The following CBLN2 variants were observed in gnomAD, a reference collection of about 807,000 sequenced individuals.
The protein encoded by CBLN2 is cerebellin-2.
CBLN2 carries 7 observed loss-of-function variants against 15.0 expected under a neutral mutation model. The observed-to-expected ratio is 0.47, with a 90% CI of 0.27 to 0.88. The LOEUF is 0.88. Ranked by LOEUF, CBLN2 falls within the 40% of genes least tolerant of loss-of-function variation. CBLN2 has a pLI of 0.14. For synonymous variants in CBLN2, 149 were observed against 135.2 expected (o/e 1.10, Z -0.71); for missense variants, 242 against 304.5 (o/e 0.79, Z 1.53).
At chr18:72,613,054 G>C (rs1252287348) in intron 1 of CBLN2, among the ~76,000 whole-genome samples, 1 of 152,158 alleles carries the variant, frequency 6.6e-6, no homozygotes, top group African/African-American at 2.4e-5. Context: ...GCATCACCCT[G>C]ATCTGTGCCT....
At chr18:72,539,167 T>C (rs1166424594) in intron 3 of CBLN2, 3 of 161,780 alleles carry the variant, frequency 1.9e-5, no homozygotes, top group African/African-American at 7.2e-5. Context: ...TGATGCCTTG[T>C]TTGACAAAAA....
At chr18:72,615,106 C>T (rs9319844) in intron 1 of CBLN2, among the ~76,000 whole-genome samples, 26,089 of 125,662 alleles carry the variant, frequency 0.21, 4,124 homozygotes, top group African/African-American at 0.46. Context: ...TATATTTATA[C>T]ATTTTAGAAA....
intron 1 of CBLN2, among the ~76,000 whole-genome samples, chr18:72,572,638 T>A (rs112904128): frequency 5.3e-5 from 8 of 152,212 alleles, no homozygotes; most frequent in African/African-American, 1.9e-4. Context: ...AGGCTGGTCT[T>A]CAACTCCTAG....
At chr18:72,587,567 T>C (rs1384807341) in intron 1 of CBLN2, among the ~76,000 whole-genome samples, 8 of 152,150 alleles carry the variant, frequency 5.3e-5, no homozygotes, top group South Asian at 2.1e-4. Flanking sequence ...TTCTAATATG[T>C]GTTGTTTATA....
intron 1 of CBLN2, among the ~76,000 whole-genome samples, chr18:72,598,875 C>T (rs1281783311): frequency 6.6e-6 from 1 of 152,216 alleles, no homozygotes; most frequent in East Asian, 1.9e-4. Context: ...GCTGCACTCT[C>T]TCTCCTCTAA....
chr18:72,553,228 C>A (rs67764864), intron 1 of CBLN2, among the ~76,000 whole-genome samples: 9,085 of 152,160 alleles, frequency 0.06, 868 homozygotes, highest in East Asian at 0.51. Context: ...AAACACTGAG[C>A]TGGATCTCAG....
intron 1 of CBLN2, among the ~76,000 whole-genome samples, chr18:72,593,768 G>C (rs1357354274): frequency 2.0e-5 from 3 of 152,076 alleles, no homozygotes; most frequent in African/African-American, 2.4e-5. Context: ...ATGATGATAT[G>C]GTTTTTGTCC....
At chr18:72,595,342 ACTC>A (rs2069506478) in intron 1 of CBLN2, among the ~76,000 whole-genome samples, 1 of 151,616 alleles carries the variant, frequency 6.6e-6, no homozygotes, top group Non-Finnish European at 1.5e-5. Flanking sequence ...AGCTTTCAAA[ACTC>A]CTCTTGTTAT....
Position 72,537,755 on chromosome 18 carries a change from G to T in CBLN2, c.*421C>A, listed in dbSNP as rs1213137281. 3.8e-6 allele frequency: 1 copy of T among 263,520 alleles called. No homozygotes were observed. Among genetic ancestry groups the T allele is most frequent in the Non-Finnish European group, 7.4e-6 (1 of 135,742 alleles). 16.3% of individuals were successfully genotyped at this position (263,520 alleles called of 1,614,324 possible). Reference sequence around the variant, plus strand: ...CATGTCAAGGACTGTCCAGCAGGTGGTTCTTTGCTGGGCTCCTACTTCAAG... The same window carrying T: ...CATGTCAAGGACTGTCCAGCAGGTGTTTCTTTGCTGGGCTCCTACTTCAAG... On this transcript the variant is annotated 3_prime_UTR_variant, in exon 5 of 5. Coordinates refer to ENST00000269503, the MANE Select transcript of CBLN2 (RefSeq NM_182511.4).
chr18:72,589,152 C>A (rs2069462014), intron 1 of CBLN2, among the ~76,000 whole-genome samples: 1 of 152,034 alleles, frequency 6.6e-6, no homozygotes, highest in Non-Finnish European at 1.5e-5. Flanking sequence ...TTACTGAAAT[C>A]CTGGATGGCC....
At chr18:72,549,984 A>G (rs925307232) in intron 1 of CBLN2, among the ~76,000 whole-genome samples, 1 of 152,190 alleles carries the variant, frequency 6.6e-6, no homozygotes, top group Admixed American at 6.5e-5. Context: ...GAATGGTGAG[A>G]TTTATATTTG....
At chr18:72,634,789 G>A (rs182424857) in intron 1 of CBLN2, among the ~76,000 whole-genome samples, 57 of 152,248 alleles carry the variant, frequency 3.7e-4, no homozygotes, top group Middle Eastern at 3.4e-3. Context: ...GTCCCTAAGC[G>A]TAAGAAGAGT....
chr18:72,555,432 CTA>C (rs1367250036), intron 1 of CBLN2, among the ~76,000 whole-genome samples: 2 of 147,330 alleles, frequency 1.4e-5, no homozygotes, highest in African/African-American at 2.7e-5. Flanking sequence ...ATGTGTTTGA[CTA>C]TGTGTGTGTG....
At chr18:72,590,370 C>T (rs776011457) in intron 1 of CBLN2, among the ~76,000 whole-genome samples, 5 of 151,978 alleles carry the variant, frequency 3.3e-5, no homozygotes, top group African/African-American at 1.2e-4. Flanking sequence ...TCATGTGAAC[C>T]GGGAGGTGGA....
At chr18:72,574,578 CTCAGATGGGA>C in intron 1 of CBLN2, among the ~76,000 whole-genome samples, 1 of 152,100 alleles carries the variant, frequency 6.6e-6, no homozygotes, top group East Asian at 1.9e-4. Flanking sequence ...AGGGGATTGT[CTCAGATGGGA>C]TCATGGCTCA....
intron 1 of CBLN2, among the ~76,000 whole-genome samples, chr18:72,560,775 G>A (rs561751633): frequency 5.9e-5 from 9 of 152,268 alleles, no homozygotes; most frequent in African/African-American, 1.2e-4. Flanking sequence ...TTGGGAGGCC[G>A]AGGTGGGCGG....
chr18:72,553,824 G>A (rs920498289), intron 1 of CBLN2, among the ~76,000 whole-genome samples: 4 of 152,132 alleles, frequency 2.6e-5, no homozygotes, highest in African/African-American at 4.8e-5. Flanking sequence ...AAAATCATCA[G>A]ACTATTAACT....
intron 1 of CBLN2, chr18:72,619,352 C>T (rs2069684496): frequency 7.7e-6 from 4 of 520,946 alleles, no homozygotes; most frequent in African/African-American, 3.8e-5. Flanking sequence ...ACAAAGAAGC[C>T]ATGTTTTTGA....
chr18:72,572,262 A>AT lies in CBLN2; in HGVS notation c.16-33491dup, dbSNP rs34860718. Among the ~76,000 whole-genome samples the AT allele has an allele frequency of 3.3e-3, 489 of 147,708 alleles. 4 individuals carry two copies. Among genetic ancestry groups the AT allele is most frequent in the Admixed American group, 6.8e-3 (100 of 14,746 alleles). ...GATCCATTATCTGGCAGAATCATTG[A>AT]TTTTTTTTTTTTACAAAAGAGTTTT... On this transcript the variant is annotated intron_variant, in intron 1 of 2. Coordinates refer to the CBLN2 transcript ENST00000581073.
Sources: gnomAD v4.1 joint callset for allele counts (sites outside exome capture counted in the v4.1 genomes callset) on GRCh38, gnomAD v4.1.1 for gene constraint, MANE v1.5 for transcripts, NCBI Gene and HGNC (gene_info 2026-07-23, HGNC 2026-07-21) for gene names.